Variants in CYYR1 observed in about 807,000 individuals in gnomAD.
CYYR1 encodes the protein cysteine and tyrosine-rich protein 1.
In CYYR1, 14 loss-of-function variants were observed where a neutral mutation model predicts 15.2. The ratio of observed to expected loss-of-function variants is 0.92; its 90% CI spans 0.61 to 1.44. The LOEUF (loss-of-function observed/expected upper bound fraction) is 1.44, where lower values mean the gene tolerates loss of function less well. Among genes scored for constraint, CYYR1 ranks in the 40% most tolerant of loss-of-function variants. The pLI is 0.00. For synonymous variants in CYYR1, 80 were observed against 77.4 expected, an observed-to-expected ratio of 1.03 and a Z score of -0.18; for missense variants, 228 against 209.5, an observed-to-expected ratio of 1.09 and a Z score of -0.54.
At chr21:26,531,482 A>G (rs1043127423) in intron 2 of CYYR1, among the ~76,000 whole-genome samples, 1 of 152,144 alleles carries the variant, frequency 6.6e-6, no homozygotes, top group African/African-American at 2.4e-5. Context: ...TGCTGTTATC[A>G]TGATAGAGTT....
In CYYR1 at chr21:26,573,029, A is replaced by C; in HGVS notation, c.-89T>G. On this transcript the variant is annotated 5_prime_UTR_variant, in exon 1 of 4. Transcript: ENST00000652641. ...TGGAGGGCGATCAGATGGAGAGAGC[A>C]GCGCTCCTGAGAGCCGGGTGGAGCA... is the stretch of plus-strand genomic sequence containing the variant. The C allele has an allele frequency of 1.2e-6, 2 of 1,605,090 alleles. No homozygotes were observed. Among genetic ancestry groups the C allele is most frequent in the South Asian group, 2.2e-5 (2 of 90,174 alleles).
chr21:26,568,597 C>A (rs1265653216), intron 1 of CYYR1: 1 of 152,064 alleles, frequency 6.6e-6, no homozygotes, highest in Non-Finnish European at 1.5e-5. Context: ...GCAACAAAAG[C>A]AATTGACAAG....
At chr21:26,478,259 C>CAGAAGGGA in intron 3 of CYYR1, 1 of 1,234,794 alleles carries the variant, frequency 8.1e-7, no homozygotes, top group Admixed American at 2.3e-5. Flanking sequence ...GGGATGCTGT[C>CAGAAGGGA]AGAAGGGACA....
intron 2 of CYYR1, among the ~76,000 whole-genome samples, chr21:26,558,556 C>T (rs771835313): frequency 6.6e-5 from 10 of 152,182 alleles, no homozygotes; most frequent in South Asian, 2.1e-4. Flanking sequence ...TCAGTTTGCC[C>T]GGGACCATCC....
intron 2 of CYYR1, among the ~76,000 whole-genome samples, chr21:26,522,106 T>C (rs980062961): frequency 1.3e-5 from 2 of 152,220 alleles, no homozygotes; most frequent in African/African-American, 4.8e-5. Context: ...CCTTTATTTT[T>C]AAGCACATTT....
chr21:26,486,761 A>G (rs750315240), intron 2 of CYYR1, among the ~76,000 whole-genome samples: 5 of 152,100 alleles, frequency 3.3e-5, no homozygotes, highest in Non-Finnish European at 7.4e-5. Context: ...TTTCATGAGT[A>G]AAAAAAGATT....
intron 2 of CYYR1, among the ~76,000 whole-genome samples, chr21:26,481,901 T>TGGA (rs2065186677): frequency 6.6e-6 from 1 of 152,010 alleles, no homozygotes. Context: ...GAGGTAAAAC[T>TGGA]GCATTTCTAT....
At chr21:26,503,301 A>T (rs891585008) in intron 2 of CYYR1, among the ~76,000 whole-genome samples, 2 of 152,162 alleles carry the variant, frequency 1.3e-5, no homozygotes, top group African/African-American at 2.4e-5. Flanking sequence ...TTCACTTTTT[A>T]AAAAAAGAAA....
chr21:26,516,488 T>G (rs762922594), intron 2 of CYYR1, among the ~76,000 whole-genome samples: 6 of 152,242 alleles, frequency 3.9e-5, no homozygotes, highest in Admixed American at 6.5e-5. Flanking sequence ...AGTTGCACTC[T>G]AAAAATATTG....
intron 2 of CYYR1, among the ~76,000 whole-genome samples, chr21:26,561,752 T>G (rs529076013): frequency 6.6e-6 from 1 of 152,332 alleles, no homozygotes; most frequent in Admixed American, 6.5e-5. Context: ...TTAAATGCGA[T>G]ATATTGTCAT....
intron 2 of CYYR1, among the ~76,000 whole-genome samples, chr21:26,499,029 C>T (rs965580238): frequency 3.3e-5 from 5 of 151,946 alleles, no homozygotes; most frequent in Non-Finnish European, 5.9e-5. Context: ...AAATGATATT[C>T]GTAGAATGAA....
intron 2 of CYYR1, among the ~76,000 whole-genome samples, chr21:26,514,142 G>T (rs1370368117): frequency 6.6e-6 from 1 of 152,086 alleles, no homozygotes; most frequent in African/African-American, 2.4e-5. Context: ...CCAGACGTTG[G>T]GTGGGGGCTC....
intron 2 of CYYR1, among the ~76,000 whole-genome samples, chr21:26,482,866 T>G (rs2065200855): frequency 6.6e-6 from 1 of 152,064 alleles, no homozygotes; most frequent in African/African-American, 2.4e-5. Context: ...ACTCTTGGTA[T>G]TCTAAAATTT....
intron 2 of CYYR1, among the ~76,000 whole-genome samples, chr21:26,530,417 A>G (rs1206824936): frequency 6.6e-6 from 1 of 151,898 alleles, no homozygotes; most frequent in Non-Finnish European, 1.5e-5. Flanking sequence ...TTTGTTTTAA[A>G]TTTAGCCTTA....
chr21:26,538,068 C>T (rs1025555013), intron 2 of CYYR1, among the ~76,000 whole-genome samples: 5 of 152,178 alleles, frequency 3.3e-5, no homozygotes, highest in South Asian at 4.1e-4. Context: ...GCGATCACCA[C>T]GGAGATGAGC....
chr21:26,563,604 A>G (rs2123724083), intron 2 of CYYR1, among the ~76,000 whole-genome samples: 1 of 134,166 alleles, frequency 7.5e-6, no homozygotes, highest in East Asian at 2.5e-4. Context: ...TAAATAAAAA[A>G]GGAGAGCAAA....
At chr21:26,507,798 T>C (rs1959377135) in intron 2 of CYYR1, among the ~76,000 whole-genome samples, 1 of 152,210 alleles carries the variant, frequency 6.6e-6, no homozygotes, top group Non-Finnish European at 1.5e-5. Flanking sequence ...TTTCTACCCA[T>C]TGGGCATCAC....
At chr21:26,545,327 G>C (rs1456908253) in intron 2 of CYYR1, among the ~76,000 whole-genome samples, 1 of 151,834 alleles carries the variant, frequency 6.6e-6, no homozygotes, top group African/African-American at 2.4e-5. Context: ...ATTTTGTTCT[G>C]TTCTCTACTC....
intron 2 of CYYR1, among the ~76,000 whole-genome samples, chr21:26,501,395 C>G (rs903290847): frequency 5.9e-5 from 9 of 152,166 alleles, no homozygotes; most frequent in Non-Finnish European, 1.3e-4. Flanking sequence ...AGATGCTTCC[C>G]TATTTCTCTA....
Sources: gnomAD v4.1 joint callset for allele counts (sites outside exome capture counted in the v4.1 genomes callset) on GRCh38, gnomAD v4.1.1 for gene constraint, MANE v1.5 for transcripts, NCBI Gene and HGNC (gene_info 2026-07-23, HGNC 2026-07-21) for gene names.